Variants in CORO2A observed in about 807,000 individuals in gnomAD.
The protein encoded by CORO2A is coronin 2A.
Under a neutral mutation model 62.4 loss-of-function variants are expected in CORO2A, and 47 were observed. The observed-to-expected ratio is 0.75, with a 90% CI of 0.60 to 0.96. The LOEUF is 0.96. CORO2A is among the 40% of genes least tolerant of loss of function. The pLI, the probability that CORO2A is intolerant of heterozygous loss-of-function variation, is 0.00. For missense variants in CORO2A, 610 were observed against 684.1 expected, an observed-to-expected ratio of 0.89 and a Z score of 1.21; for synonymous variants, 273 against 268.9, an observed-to-expected ratio of 1.02 and a Z score of -0.15.
intron 2 of CORO2A, among the ~76,000 whole-genome samples, chr9:98,145,585 GGC>G (rs1564205998): frequency 6.6e-6 from 1 of 152,182 alleles, no homozygotes; most frequent in Non-Finnish European, 1.5e-5. Context: ...GCTAGGACAG[GGC>G]ATAGAGGGCT....
chr9:98,174,121 C>G (rs984987227), intron 1 of CORO2A, among the ~76,000 whole-genome samples: 6 of 148,798 alleles, frequency 4.0e-5, no homozygotes, highest in African/African-American at 1.5e-4. Flanking sequence ...GCCCACCCCC[C>G]ACCGCCAAAA....
chr9:98,127,709 G>A (rs549428653), intron 10 of CORO2A, among the ~76,000 whole-genome samples: 2 of 151,548 alleles, frequency 1.3e-5, no homozygotes, highest in African/African-American at 4.8e-5. Flanking sequence ...AGCTACTCAG[G>A]AGGCTGAGGC....
At chr9:98,160,152 AT>A (rs1433807975) in intron 1 of CORO2A, among the ~76,000 whole-genome samples, 1 of 152,208 alleles carries the variant, frequency 6.6e-6, no homozygotes, top group Non-Finnish European at 1.5e-5. Flanking sequence ...CCCTGGCTGC[AT>A]TTGCCAGAGC....
intron 1 of CORO2A, among the ~76,000 whole-genome samples, chr9:98,160,015 C>T (rs60244725): frequency 0.034 from 5,146 of 152,268 alleles, 207 homozygotes; most frequent in African/African-American, 0.1. Flanking sequence ...CAAGTCATAG[C>T]GATAAGGGCC....
intron 1 of CORO2A, among the ~76,000 whole-genome samples, chr9:98,188,728 C>T (rs956961484): frequency 1.3e-5 from 2 of 152,134 alleles, no homozygotes; most frequent in African/African-American, 4.8e-5. Flanking sequence ...CGGGATCATG[C>T]CACTGCACTT....
chr9:98,159,084 G>C (rs535181672), intron 1 of CORO2A, among the ~76,000 whole-genome samples: 31 of 144,174 alleles, frequency 2.2e-4, no homozygotes, highest in Middle Eastern at 3.5e-3. Context: ...TTTTGAGGAA[G>C]GATCTCGCTC....
chr9:98,148,765 C>CA (rs1250451853), intron 2 of CORO2A, among the ~76,000 whole-genome samples: 1 of 150,056 alleles, frequency 6.7e-6, no homozygotes, highest in African/African-American at 2.5e-5. Flanking sequence ...CAAAACAAAA[C>CA]AAAACAAACA....
chr9:98,131,131 G>A, intron 6 of CORO2A, 72 bp from the exon 7 acceptor site: 1 of 1,000,620 alleles, frequency 1.0e-6, no homozygotes, highest in Non-Finnish European at 1.5e-6. Context: ...CCGGAGATAA[G>A]AATTGCTGCC....
At chr9:98,159,046 C>T (rs1168149724) in intron 1 of CORO2A, among the ~76,000 whole-genome samples, 1 of 150,870 alleles carries the variant, frequency 6.6e-6, no homozygotes. Context: ...CCCACCCCCA[C>T]CTCATATCAC....
intron 3 of CORO2A, among the ~76,000 whole-genome samples, chr9:98,136,150 G>A (rs1267962409): frequency 6.6e-6 from 1 of 152,222 alleles, no homozygotes; most frequent in East Asian, 1.9e-4. Flanking sequence ...GCTAGCAAGA[G>A]ATTTATAAAG....
At position 98,124,311 on chromosome 9, in the gene CORO2A, G is replaced by C. The variant is rs1467352731; in HGVS notation, c.*463C>G. ...TTACAGGCGTGAGCCACTGCGCCTG[G>C]TGAGACTGGTTTCAAACTCCCGACC... On this transcript the variant is annotated 3_prime_UTR_variant, in exon 12 of 12. Transcript: ENST00000375077. 1 of 152,486 alleles carries C rather than the reference G, an allele frequency of 6.6e-6. No individual in the cohort carries two copies. The highest frequency in any genetic ancestry group is 2.4e-5 in the African/African-American group (1 of 41,384). The allele number at this position is 152,486 out of a possible 1,614,324, so 9.4% of individuals were successfully genotyped here. A position where few individuals can be genotyped will look rare whatever the true frequency, so the allele number is the denominator to read the frequency against.
chr9:98,147,400 G>T (rs570987957), intron 2 of CORO2A, among the ~76,000 whole-genome samples: 24 of 152,298 alleles, frequency 1.6e-4, no homozygotes, highest in African/African-American at 5.5e-4. Flanking sequence ...TCAGGTAAAA[G>T]GGATGAGTGA....
At chr9:98,136,388 G>C (rs753863016) in intron 3 of CORO2A, among the ~76,000 whole-genome samples, 1 of 152,212 alleles carries the variant, frequency 6.6e-6, no homozygotes, top group African/African-American at 2.4e-5. Flanking sequence ...TGAATTTTCT[G>C]CCTTCCTTTC....
Position 98,126,768 on chromosome 9 carries a change from C to G in CORO2A, c.1227G>C (p.Leu409=). The part of the protein sequence containing the change: ...PGSELLRPHP[L]PAERPIFNSM... ...AATTGAAGATAGGTCTCTCTGCAGG[C>G]AGTGGGTGGGGTCTCAGCAGCTCAG... Residue 409 remains leucine, a synonymous_variant, in exon 11 of 12, where the codon CTG becomes CTC. Coordinates refer to ENST00000375077, the MANE Select transcript of CORO2A (RefSeq NM_052820.4). The G allele has an allele frequency of 6.2e-7, 1 of 1,614,216 alleles. No homozygotes were observed. Among genetic ancestry groups the G allele is most frequent in the East Asian group, 2.2e-5 (1 of 44,876 alleles).
Position 98,184,416 on chromosome 9 carries a change from G to C in CORO2A, c.-1+8143C>G, listed in dbSNP as rs2118939322. Among the ~76,000 whole-genome samples, 2 of 152,204 alleles carry C rather than the reference G, an allele frequency of 1.3e-5. 1 individual carries two copies. The highest frequency in any genetic ancestry group is 4.1e-4 in the South Asian group (2 of 4,822). ...GTGATAATTAGCTTGATGTCTGTCT[G>C]AATATTTTGCTATGTCTGCATGCTA... is the stretch of plus-strand genomic sequence containing the variant. On this transcript the variant is annotated intron_variant, in intron 1 of 11. Transcript: ENST00000375077.
At chr9:98,176,800 C>T (rs549415983) in intron 1 of CORO2A, among the ~76,000 whole-genome samples, 3 of 152,244 alleles carry the variant, frequency 2.0e-5, no homozygotes, top group East Asian at 1.9e-4. Flanking sequence ...CCCAAGAGAT[C>T]GTGGGGTACA....
intron 3 of CORO2A, among the ~76,000 whole-genome samples, chr9:98,135,204 G>A (rs1421807296): frequency 6.6e-6 from 1 of 152,186 alleles, no homozygotes; most frequent in Non-Finnish European, 1.5e-5. Flanking sequence ...ATGAGTCTAG[G>A]CCTCCAAATC....
At chr9:98,125,719 T>C (rs964033343) in intron 11 of CORO2A, among the ~76,000 whole-genome samples, 1 of 141,654 alleles carries the variant, frequency 7.1e-6, no homozygotes, top group East Asian at 2.0e-4. Context: ...ATTTTTTTTT[T>C]TTTTTTTTTT....
chr9:98,138,141 C>T (rs1046757779), intron 2 of CORO2A, among the ~76,000 whole-genome samples: 1 of 152,172 alleles, frequency 6.6e-6, no homozygotes, highest in Non-Finnish European at 1.5e-5. Context: ...GATAAGTCCG[C>T]AAGAAACTGT....
Sources: allele counts gnomAD v4.1 joint callset (sites outside exome capture counted in the v4.1 genomes callset), GRCh38; gene constraint gnomAD v4.1.1; transcripts MANE v1.5; gene names NCBI Gene and HGNC (gene_info 2026-07-23, HGNC 2026-07-21).